Variants in AGBL1 observed in about 807,000 individuals in gnomAD.
AGBL1 encodes the protein AGBL carboxypeptidase 1.
Under a neutral mutation model 118.9 loss-of-function variants are expected in AGBL1, and 130 were observed. The ratio of observed to expected loss-of-function variants is 1.09; its 90% CI spans 0.95 to 1.26. The LOEUF (loss-of-function observed/expected upper bound fraction) is 1.26. Among genes scored for constraint, AGBL1 ranks in the 50% most tolerant of loss-of-function variants. AGBL1 has a pLI of 0.00. For missense variants in AGBL1, 1,584 were observed against 1,298.1 expected, an observed-to-expected ratio of 1.22 and a Z score of -3.38; for synonymous variants, 555 against 478.9, an observed-to-expected ratio of 1.16 and a Z score of -2.08.
intron 17 of AGBL1, among the ~76,000 whole-genome samples, chr15:86,396,305 T>A (rs750324874): frequency 3.3e-5 from 5 of 150,916 alleles, no homozygotes; most frequent in Admixed American, 3.3e-4. Flanking sequence ...ATTTTCCACC[T>A]GAGCCCAGAC....
intron 22 of AGBL1, among the ~76,000 whole-genome samples, chr15:86,827,113 T>A (rs2079021868): frequency 6.7e-6 from 1 of 150,208 alleles, no homozygotes; most frequent in African/African-American, 2.5e-5. Context: ...TTACTATGTA[T>A]GAGGAGCAGG....
At chr15:86,881,188 C>T (rs1216651799) in intron 22 of AGBL1, among the ~76,000 whole-genome samples, 2 of 152,166 alleles carry the variant, frequency 1.3e-5, no homozygotes, top group East Asian at 1.9e-4. Flanking sequence ...GTTTTTAAGA[C>T]AGAAATGCAA....
intron 22 of AGBL1, among the ~76,000 whole-genome samples, chr15:86,675,790 CT>C (rs1421087824): frequency 2.0e-5 from 3 of 152,086 alleles, no homozygotes; most frequent in Non-Finnish European, 4.4e-5. Context: ...CTTTTTCCCC[CT>C]CTCTCCTCTG....
At chr15:86,463,086 C>A (rs2142088685) in intron 18 of AGBL1, among the ~76,000 whole-genome samples, 1 of 152,302 alleles carries the variant, frequency 6.6e-6, no homozygotes, top group South Asian at 2.1e-4. Context: ...TTCTCCACAT[C>A]CTCTCCAGCA....
At chr15:86,491,860 G>C (rs185846488) in intron 18 of AGBL1, among the ~76,000 whole-genome samples, 1 of 151,902 alleles carries the variant, frequency 6.6e-6, no homozygotes, top group South Asian at 2.1e-4. Context: ...GGCTGTGTGT[G>C]GGGGGTGGGG....
At chr15:86,931,508 A>T (rs1007894292) in intron 23 of AGBL1, among the ~76,000 whole-genome samples, 7 of 140,822 alleles carry the variant, frequency 5.0e-5, no homozygotes, top group East Asian at 1.9e-4. Flanking sequence ...GAATCTACAT[A>T]AAAAAAATTA....
intron 3 of AGBL1, among the ~76,000 whole-genome samples, chr15:86,146,234 T>A (rs879642500): frequency 1.2e-4 from 19 of 152,220 alleles, no homozygotes; most frequent in South Asian, 1.0e-3. Flanking sequence ...AAAATATTTT[T>A]AAAAATTTTA....
chr15:86,930,651 A>G (rs753960061), intron 23 of AGBL1, among the ~76,000 whole-genome samples: 13 of 152,216 alleles, frequency 8.5e-5, no homozygotes, highest in Non-Finnish European at 1.8e-4. Context: ...GCTGTTCGTT[A>G]TAGGATTTAA....
At chr15:86,087,012 T>C (rs1265348402) in intron 1 of AGBL1, among the ~76,000 whole-genome samples, 1 of 152,204 alleles carries the variant, frequency 6.6e-6, no homozygotes, top group Non-Finnish European at 1.5e-5. Flanking sequence ...GGTGCACCTA[T>C]GTTCAGCTTT....
At chr15:86,214,835 G>A (rs2078158476) in intron 5 of AGBL1, among the ~76,000 whole-genome samples, 1 of 152,198 alleles carries the variant, frequency 6.6e-6, no homozygotes, top group African/African-American at 2.4e-5. Flanking sequence ...TTCTATCTCA[G>A]GCAGTAGCCA....
chr15:86,211,961 G>A (rs911007532), intron 5 of AGBL1, among the ~76,000 whole-genome samples: 1 of 152,016 alleles, frequency 6.6e-6, no homozygotes, highest in African/African-American at 2.4e-5. Context: ...GTTCCTATTC[G>A]GCCATCTTGG....
At chr15:86,127,719 TG>T (rs1329936340) in intron 1 of AGBL1, among the ~76,000 whole-genome samples, 1 of 152,248 alleles carries the variant, frequency 6.6e-6, no homozygotes, top group Non-Finnish European at 1.5e-5. Flanking sequence ...TGTGTGAACA[TG>T]TGACTGAGTT....
At chr15:86,129,846 G>A (rs1230047165) in intron 1 of AGBL1, among the ~76,000 whole-genome samples, 3 of 152,170 alleles carry the variant, frequency 2.0e-5, no homozygotes, top group Non-Finnish European at 4.4e-5. Flanking sequence ...CACAGTGGAG[G>A]TTTTGAGAGA....
intron 18 of AGBL1, among the ~76,000 whole-genome samples, chr15:86,502,788 A>G (rs1244378369): frequency 2.6e-5 from 4 of 151,422 alleles, no homozygotes; most frequent in African/African-American, 9.7e-5. Flanking sequence ...AACTACATAT[A>G]TAATCTTTTT....
At chr15:86,930,045 A>T (rs1297670591) in intron 23 of AGBL1, among the ~76,000 whole-genome samples, 5 of 152,182 alleles carry the variant, frequency 3.3e-5, no homozygotes, top group Admixed American at 2.6e-4. Flanking sequence ...TTGCTTGCCG[A>T]AGGAAACATA....
intron 23 of AGBL1, among the ~76,000 whole-genome samples, chr15:86,971,129 C>G (rs1365908862): frequency 2.0e-5 from 3 of 151,976 alleles, no homozygotes; most frequent in Non-Finnish European, 4.4e-5. Flanking sequence ...CAGGACAGTT[C>G]AAACCAAATT....
intron 18 of AGBL1, among the ~76,000 whole-genome samples, chr15:86,456,057 A>T (rs544453449): frequency 1.4e-3 from 206 of 152,300 alleles, no homozygotes; most frequent in Non-Finnish European, 2.6e-3. Flanking sequence ...TTCTGTATAG[A>T]TGAACAGACT....
At chr15:86,873,480 T>G (rs1452966422) in intron 22 of AGBL1, among the ~76,000 whole-genome samples, 1 of 152,102 alleles carries the variant, frequency 6.6e-6, no homozygotes, top group Non-Finnish European at 1.5e-5. Flanking sequence ...AATCTGAAAG[T>G]TTTTGTCCCC....
intron 22 of AGBL1, among the ~76,000 whole-genome samples, chr15:86,761,058 G>C (rs1272806360): frequency 6.6e-6 from 1 of 152,062 alleles, no homozygotes; most frequent in African/African-American, 2.4e-5. Context: ...TATACTTGTT[G>C]ATGCTAATAC....
Sources: gnomAD v4.1 joint callset for allele counts (sites outside exome capture counted in the v4.1 genomes callset) on GRCh38, gnomAD v4.1.1 for gene constraint, MANE v1.5 for transcripts, NCBI Gene and HGNC (gene_info 2026-07-23, HGNC 2026-07-21) for gene names.